The following SPEG variants were observed in gnomAD, a reference collection of about 807,000 sequenced individuals.
SPEG encodes striated muscle enriched protein kinase.
SPEG carries 114 observed loss-of-function variants against 300.4 expected under a neutral mutation model. The observed-to-expected ratio is 0.38, with a 90% confidence interval of 0.33 to 0.44. The LOEUF is 0.44. Ranked by LOEUF, SPEG falls within the 20% of genes least tolerant of loss-of-function variation. SPEG has a pLI of 1.00. For missense variants in SPEG, 4,201 were observed against 4,586.2 expected, an observed-to-expected ratio of 0.92 and a Z score of 2.43; for synonymous variants, 1,964 against 2,018.9, an observed-to-expected ratio of 0.97 and a Z score of 0.73.
intron 9 of SPEG, chr2:219,466,013 C>A: frequency 6.4e-7 from 1 of 1,568,026 alleles, no homozygotes; most frequent in Non-Finnish European, 8.7e-7. Context: ...GCGTATGCTG[C>A]ACTAACCTGC....
chr2:219,465,946 C>T (rs1031744024), intron 9 of SPEG: 55 of 883,720 alleles, frequency 6.2e-5, no homozygotes, highest in South Asian at 1.3e-4. Flanking sequence ...TGCACGTGTG[C>T]GTGCATGTGT....
In SPEG at chr2:219,481,213, A is replaced by C; in HGVS notation, c.5370-91A>C. On this transcript the variant is annotated intron_variant, in intron 26 of 40. Transcript: ENST00000312358. The surrounding 1 kb of genome is among the most constrained non-coding windows in gnomAD (Gnocchi z 5.4). ...CAGCCTCTGTCATCCTCACAACCCC[A>C]GAGCCTCCATCTGTCCCCAGCCCTG... The C allele has an allele frequency of 7.2e-7, 1 of 1,385,940 alleles. No individual in the cohort carries two copies. Among genetic ancestry groups the C allele is most frequent in the Non-Finnish European group, 1.0e-6 (1 of 996,068 alleles). 85.9% of individuals were successfully genotyped at this position (1,385,940 alleles called of 1,614,324 possible).
At position 219,490,599 on chromosome 2, in the gene SPEG, A is replaced by T. The variant is rs1355148932; in HGVS notation, c.9112A>T (p.Ile3038Phe). Residue 3038 changes from isoleucine (I) to phenylalanine (F), a missense_variant, in exon 37 of 41, where the codon ATT becomes TTT. Ile to Phe is a conservative substitution (Grantham distance 21). This residue lies in a region of SPEG where 318 missense variants were observed against 429.5 expected (regional missense o/e 0.74). Coordinates refer to ENST00000312358, the MANE Select transcript of SPEG (RefSeq NM_005876.5). The part of the protein sequence containing the change: ...AYITPRYLVL[I>F]AESCGNRELL... ...CATCACCCCTCGGTACCTCGTGCTC[A>T]TTGCTGAGAGCTGTGGCAACCGGGA... 6.2e-7 allele frequency: 1 copy of T among 1,613,432 alleles called. No homozygotes were observed.
Position 219,468,983 on chromosome 2 carries a change from T to C in SPEG, c.3426T>C (p.His1142=), listed in dbSNP as rs773663409. The change falls in exon 12 of 41, where the codon CAT becomes CAC. Residue 1142 remains histidine, a synonymous_variant. Transcript: ENST00000312358. ...ATGCGGTCAGTGCTGTTAACACCCA[T>C]GGCCAGGCCCACTGCTCAGCCCAGC... ...GLYAVSAVNT[H]GQAHCSAQLY... is the part of the protein sequence containing the mutation. 1.2e-6 allele frequency: 2 copies of C among 1,613,876 alleles called. No homozygotes were observed. Among genetic ancestry groups the C allele is most frequent in the Non-Finnish European group, 1.7e-6 (2 of 1,179,970 alleles).
chr2:219,443,128 G>A lies in SPEG; in HGVS notation c.389-1525G>A. On this transcript the variant is annotated intron_variant, in intron 1 of 40. Coordinates refer to ENST00000312358, the MANE Select transcript of SPEG (RefSeq NM_005876.5). This position sits in a 1 kb window ranked among gnomAD's most constrained non-coding sequence, Gnocchi z 4.6. ...TTCAGAAAACCGGCCATTCCCGCCGGGCCTTTGGCCGACTCACCCATGGTG... is the reference window on the plus strand; with the variant it reads ...TTCAGAAAACCGGCCATTCCCGCCGAGCCTTTGGCCGACTCACCCATGGTG... 6.2e-7 allele frequency: 1 copy of A among 1,612,602 alleles called. No homozygotes were observed. Among genetic ancestry groups the A allele is most frequent in the Non-Finnish European group, 8.5e-7 (1 of 1,179,770 alleles).
rs766419335 is a variant in SPEG, at chr2:219,443,187, C to A, written c.389-1466C>A. 6.2e-7 allele frequency: 1 copy of A among 1,601,186 alleles called. No individual in the cohort carries two copies. The highest frequency in any genetic ancestry group is 2.2e-5 in the East Asian group (1 of 44,796). ...GTGGGCGTCCTTGCTCTAGCCCATG[C>A]CTACTCCTCCTCTTGGTCCCTGTCC... On this transcript the variant is annotated intron_variant, in intron 1 of 40. Coordinates refer to ENST00000312358, the MANE Select transcript of SPEG (RefSeq NM_005876.5). The surrounding 1 kb of genome is among the most constrained non-coding windows in gnomAD (Gnocchi z 4.6).
chr2:219,492,075 G>C (rs897106346), intron 39 of SPEG, 36 bp from the exon 40 acceptor site: 4 of 1,591,758 alleles, frequency 2.5e-6, no homozygotes, highest in African/African-American at 1.3e-5. Flanking sequence ...TTGGCCTCCG[G>C]TCTGCATACG....
In SPEG at chr2:219,444,601, G is replaced by A. The variant is rs1376740305; in HGVS notation, c.389-52G>A. On this transcript the variant is annotated intron_variant, in intron 1 of 40. Coordinates refer to ENST00000312358, the MANE Select transcript of SPEG (RefSeq NM_005876.5). The surrounding 1 kb of genome is among the most constrained non-coding windows in gnomAD (Gnocchi z 7.8). Reference sequence around the variant, plus strand: ...GGGAGGCAGAAGGCAATAGGGAAGAGTTGGAGGCAGAGGGAGGAGGGCCCT... The same window carrying A: ...GGGAGGCAGAAGGCAATAGGGAAGAATTGGAGGCAGAGGGAGGAGGGCCCT... 6 of 1,506,534 alleles carry A rather than the reference G, an allele frequency of 4.0e-6. No homozygotes were observed. The highest frequency in any genetic ancestry group is 5.5e-6 in the Non-Finnish European group (6 of 1,083,632). 93.3% of individuals were successfully genotyped at this position (1,506,534 alleles called of 1,614,324 possible).
rs1384949648 is a variant in SPEG at position 219,451,178 on chromosome 2, T to C, written c.2156T>C (p.Leu719Pro). 1.2e-6 allele frequency: 2 copies of C among 1,613,810 alleles called. No homozygotes were observed. Among genetic ancestry groups the C allele is most frequent in the Non-Finnish European group, 1.7e-6 (2 of 1,179,928 alleles). ...DSYVSAGEEP[L>P]EAPVFEIPLQ... is the part of the protein sequence containing the mutation. ...TACGTGTCCGCTGGAGAAGAGCCCC[T>C]AGAGGCCCCTGTGTTTGAGATCCCC... The change falls in exon 5 of 41, where the codon CTA (leucine) becomes CCA (proline). Residue 719 changes from leucine (L) to proline (P), a missense_variant. By Grantham distance (98) the Leu-to-Pro change is moderately conservative. Transcript: ENST00000312358. The surrounding 1 kb of genome is among the most constrained non-coding windows in gnomAD (Gnocchi z 6.4).
chr2:219,446,393 A>G (rs559606099), intron 3 of SPEG, among the ~76,000 whole-genome samples: 17 of 152,018 alleles, frequency 1.1e-4, no homozygotes, highest in African/African-American at 3.4e-4. Flanking sequence ...GCTGTCCTCA[A>G]TTTCTCTCCA....
In SPEG at chr2:219,488,275, C is replaced by T. The variant is rs762340106; in HGVS notation, c.7823C>T (p.Ala2608Val). 18 of 1,612,924 alleles carry T rather than the reference C, an allele frequency of 1.1e-5. No individual in the cohort carries two copies. Among genetic ancestry groups the T allele is most frequent in the Middle Eastern group, 1.6e-4 (1 of 6,078 alleles). ...GEAATLLCLP[A>V]ACPAPHISWM... ...GCAGCCACCCTGCTCTGCCTGCCAG[C>T]GGCCTGCCCTGCACCGCACATCTCC... Residue 2608 changes from alanine to valine, a missense_variant, in exon 32 of 41, where the codon GCG (alanine) becomes GTG (valine). This residue lies in a region of SPEG where 1,578 missense variants were observed against 1,506.0 expected (regional missense o/e 1.05). Coordinates refer to ENST00000312358, the MANE Select transcript of SPEG (RefSeq NM_005876.5).
intron 34 of SPEG, 42 bp downstream of exon 34, chr2:219,488,942 G>A (rs756496283): frequency 3.8e-5 from 61 of 1,588,568 alleles, no homozygotes; most frequent in Non-Finnish European, 5.0e-5. Flanking sequence ...GCGGCAGGGG[G>A]AGGGTAGAGG....
Position 219,479,665 on chromosome 2 carries a change from C to G in SPEG, c.5086-118C>G. On this transcript the variant is annotated intron_variant, in intron 23 of 40. Coordinates refer to ENST00000312358, the MANE Select transcript of SPEG (RefSeq NM_005876.5). This position sits in a 1 kb window ranked among gnomAD's most constrained non-coding sequence, Gnocchi z 5.5. ...TTGCAACCCCAAACCTGTTTCAGCC[C>G]CTTCCACGAGCCATCTGAAGGCTAC... 1.1e-6 allele frequency: 1 copy of G among 887,950 alleles called. No homozygotes were observed. Among genetic ancestry groups the G allele is most frequent in the Non-Finnish European group, 1.9e-6 (1 of 539,462 alleles). The allele number at this position is 887,950 out of a possible 1,614,324, so 55.0% of individuals were successfully genotyped here.
Position 219,492,842 on chromosome 2 carries a change from G to A in SPEG, c.*56G>A, listed in dbSNP as rs1167453103. 1.5e-5 allele frequency: 23 copies of A among 1,510,922 alleles called. No homozygotes were observed. Among genetic ancestry groups the A allele is most frequent in the Non-Finnish European group, 2.0e-5 (22 of 1,124,838 alleles). The allele number at this position is 1,510,922 out of a possible 1,614,324, so 93.6% of individuals were successfully genotyped here. A position where few individuals can be genotyped will look rare whatever the true frequency, so the allele number is the denominator to read the frequency against. On this transcript the variant is annotated 3_prime_UTR_variant, in exon 41 of 41. Coordinates refer to ENST00000312358, the MANE Select transcript of SPEG (RefSeq NM_005876.5). The stretch of plus-strand genomic sequence containing the variant: ...CAACTGGGGTTCCCACCAATGCCAC[G>A]GGACATTCCAGGGCCCACGCTGAGC...
rs373837276 is a variant in SPEG at position 219,480,637 on chromosome 2, G to A, written c.5343-34G>A. 83 of 1,612,766 alleles carry A rather than the reference G, an allele frequency of 5.1e-5. 1 individual carries two copies. In the African/African-American group the frequency reaches 5.2e-4, roughly 10 times the overall value. On this transcript the variant is annotated intron_variant, in intron 25 of 40. Coordinates refer to ENST00000312358, the MANE Select transcript of SPEG (RefSeq NM_005876.5). This position sits in a 1 kb window ranked among gnomAD's most constrained non-coding sequence, Gnocchi z 5.3. ...TGCTCCCTTCCAGTCAGAGAGGGGC[G>A]GTCCTCTTACCTATCACTCTCCTTT...
At position 219,464,638 on chromosome 2, in the gene SPEG, A is replaced by ACCTGGC. The variant is rs1171071826; in HGVS notation, c.2881+39_2881+44dup. ...GTACCTGATTTCTCCATGAATGCCC[A>ACCTGGC]CCTGGCCCTGGCCCCTTCCTTCCCC... On this transcript the variant is annotated intron_variant, in intron 9 of 40. Transcript: ENST00000312358. This position sits in a 1 kb window ranked among gnomAD's most constrained non-coding sequence, Gnocchi z 4.5. The ACCTGGC allele has an allele frequency of 6.2e-7, 1 of 1,605,538 alleles. No homozygotes were observed. Among genetic ancestry groups the ACCTGGC allele is most frequent in the Non-Finnish European group, 8.5e-7 (1 of 1,173,294 alleles).
At chr2:219,469,855 G>A (rs1222465681) in intron 13 of SPEG, among the ~76,000 whole-genome samples, 1 of 152,218 alleles carries the variant, frequency 6.6e-6, no homozygotes, top group Non-Finnish European at 1.5e-5. Context: ...AAAAGCAGGT[G>A]TGGGCAGTGT....
rs749702247 is a variant in SPEG at position 219,483,751 on chromosome 2, G to T, written c.6288G>T (p.Gly2096=). The T allele has an allele frequency of 9.1e-6, 14 of 1,541,840 alleles. No individual in the cohort carries two copies. Among genetic ancestry groups the T allele is most frequent in the Non-Finnish European group, 1.1e-5 (13 of 1,150,718 alleles). Residue 2096 remains glycine, a synonymous_variant, in exon 30 of 41, where the codon GGG becomes GGT. Transcript: ENST00000312358. ...GLRGPLLESL[G]GRARDPRMAR... ...GGGGTCCCCTGCTGGAGAGCCTGGG[G>T]GGCCGTGCTCGGGACCCCCGGATGG...
chr2:219,483,207 G>GT lies in SPEG; in HGVS notation c.5745dup (p.Gly1916TrpfsTer10). 6.2e-7 allele frequency: 1 copy of GT among 1,610,040 alleles called. No individual in the cohort carries two copies. The highest frequency in any genetic ancestry group is 8.5e-7 in the Non-Finnish European group (1 of 1,178,886). On this transcript the variant is annotated frameshift_variant, in exon 30 of 41. Transcript: ENST00000312358. LOFTEE classifies it high-confidence loss of function. ...ACCATGCCCAGAAGGCCACCCCCCA[G>GT]TGGGGGGCTCTCATCCTCCTCGGAT...
Sources: allele counts gnomAD v4.1 joint callset (sites outside exome capture counted in the v4.1 genomes callset), GRCh38; gene constraint gnomAD v4.1.1; regional missense constraint gnomAD v4.1.1; non-coding constraint Gnocchi (gnomAD v3.1); transcripts MANE v1.5; gene names NCBI Gene and HGNC (gene_info 2026-07-23, HGNC 2026-07-21).